The following ANHX variants were observed in gnomAD, a reference collection of about 807,000 sequenced individuals.
The protein encoded by ANHX is anomalous homeobox protein.
In ANHX, 20 loss-of-function variants were observed where a neutral mutation model predicts 38.9. The ratio of observed to expected loss-of-function variants is 0.51; its 90% CI spans 0.36 to 0.75. The LOEUF is 0.75. Ranked by LOEUF, ANHX falls within the 30% of genes least tolerant of loss-of-function variation. The pLI, the probability that ANHX is intolerant of heterozygous loss-of-function variation, is 0.00. For missense variants in ANHX, 475 were observed against 493.1 expected, an observed-to-expected ratio of 0.96 and a Z score of 0.35; for synonymous variants, 185 against 203.1, an observed-to-expected ratio of 0.91 and a Z score of 0.76.
In ANHX at chr12:133,218,396, C is replaced by T. The variant is rs1176367208; in HGVS notation, c.*489G>A. 1 of 152,958 alleles carries T rather than the reference C, an allele frequency of 6.5e-6. No individual in the cohort carries two copies. The highest frequency in any genetic ancestry group is 2.4e-5 in the African/African-American group (1 of 41,482). 9.5% of individuals were successfully genotyped at this position (152,958 alleles called of 1,614,324 possible). On this transcript the variant is annotated 3_prime_UTR_variant, in exon 10 of 10. Transcript: ENST00000545940. ...TTACAACCTGGAGGGAAAATCCACC[C>T]TACTCTGCCCTGCCTAGGCCATTCG...
Position 133,227,874 on chromosome 12 carries a change from G to C in ANHX, c.451C>G (p.Leu151Val). 6.6e-7 allele frequency: 1 copy of C among 1,522,680 alleles called. No individual in the cohort carries two copies. Among genetic ancestry groups the C allele is most frequent in the Non-Finnish European group, 8.8e-7 (1 of 1,139,068 alleles). 94.3% of individuals were successfully genotyped at this position (1,522,680 alleles called of 1,614,324 possible). The change falls in exon 4 of 10, where the codon CTG (leucine) becomes GTG (valine). Residue 151 changes from leucine to valine, a missense_variant. Leu to Val is a conservative substitution (Grantham distance 32). Coordinates refer to ENST00000545940, the MANE Select transcript of ANHX (RefSeq NM_001372060.1). ...RNFPREVREK[L>V]HNFAVGVNTN... ...TTCACCCCCACAGCGAAATTGTGCA[G>C]CTTCTCACGAACCTCTCTGGGGAAG... is the stretch of plus-strand genomic sequence containing the variant.
chr12:133,220,058 T>C (rs554942360), intron 8 of ANHX, among the ~76,000 whole-genome samples: 1 of 152,058 alleles, frequency 6.6e-6, no homozygotes, highest in South Asian at 2.1e-4. Flanking sequence ...TAATCCTTAG[T>C]GACAGAAGCA....
At chr12:133,219,011 C>A in intron 9 of ANHX, 40 bp from the exon 10 acceptor site, 1 of 1,501,202 alleles carries the variant, frequency 6.7e-7, no homozygotes, top group Non-Finnish European at 8.9e-7. Context: ...GGCTTCCTTT[C>A]CAGGCTCAAG....
At chr12:133,218,994 A>C in intron 9 of ANHX, 23 bp from the exon 10 acceptor site, 1 of 1,517,282 alleles carries the variant, frequency 6.6e-7, no homozygotes, top group South Asian at 1.2e-5. Flanking sequence ...ACAGTGGTAA[A>C]CACAGAGGCT....
Position 133,221,518 on chromosome 12 carries a change from A to G in ANHX, c.1133-166T>C, listed in dbSNP as rs1271794242. On this transcript the variant is annotated intron_variant, in intron 7 of 9. Transcript: ENST00000545940. This position sits in a 1 kb window ranked among gnomAD's most constrained non-coding sequence, Gnocchi z 4.1. Reference sequence around the variant, plus strand: ...CCCTGGGCCTCAGTCTCCCTCTCTGAGGAAGGAACTGTCACAACCATTGAT... The same window carrying G: ...CCCTGGGCCTCAGTCTCCCTCTCTGGGGAAGGAACTGTCACAACCATTGAT... 6.6e-6 allele frequency among the ~76,000 whole-genome samples: 1 copy of G among 152,152 alleles called. No homozygotes were observed. The highest frequency in any genetic ancestry group is 6.5e-5 in the Admixed American group (1 of 15,280).
At chr12:133,232,373 T>C (rs528505146) in intron 2 of ANHX, among the ~76,000 whole-genome samples, 1 of 152,346 alleles carries the variant, frequency 6.6e-6, no homozygotes, top group East Asian at 1.9e-4. Flanking sequence ...TTAACTACGA[T>C]GCTGCCTGGA....
chr12:133,234,117 G>C lies in ANHX; in HGVS notation c.240C>G (p.Arg80=), dbSNP rs141475940. 0.21 allele frequency: 315,573 copies of C among 1,535,388 alleles called. 34,064 individuals carry two copies. The highest frequency in any genetic ancestry group is 0.26 in the Middle Eastern group (1,440 of 5,646). ...DQQEQQQAAC[R]LLEGCQVPGG... is the part of the protein sequence containing the mutation. ...TGTAGCCCAGGCCTACCTCCAGGAG[G>C]CGGCAAGCCGCCTGCTGCTGCTCCT... Residue 80 remains arginine, a synonymous_variant, in exon 2 of 10, where the codon CGC becomes CGG. Transcript: ENST00000545940.
chr12:133,235,730 G>GC (rs1455298746), intron 1 of ANHX, 77 bp downstream of exon 1: 1 of 58,754 alleles, frequency 1.7e-5, no homozygotes, highest in Non-Finnish European at 3.2e-5. Flanking sequence ...CCGCCCCCGC[G>GC]CCCCTCACAT....
rs149488721 is a variant in ANHX, at chr12:133,226,514, C to T, written c.719-76G>A. 3.7e-3 allele frequency: 5,381 copies of T among 1,454,042 alleles called. 15 individuals are homozygous for T. The highest frequency in any genetic ancestry group is 0.016 in the African/African-American group (1,133 of 70,510). The allele number at this position is 1,454,042 out of a possible 1,614,324, so 90.1% of individuals were successfully genotyped here. On this transcript the variant is annotated intron_variant, in intron 5 of 9. Transcript: ENST00000545940. ...CCTCCTTCCCATCAGGTATGAGCAG[C>T]CCTGCTGGCTGGAAAAGGCTGTTGC...
intron 6 of ANHX, 88 bp downstream of exon 6, chr12:133,226,230 T>G (rs529851742): frequency 6.5e-7 from 1 of 1,530,306 alleles, no homozygotes; most frequent in Non-Finnish European, 8.8e-7. Flanking sequence ...CTGTCACCCT[T>G]AGGCCTACTT....
intron 7 of ANHX, among the ~76,000 whole-genome samples, chr12:133,223,189 C>CAAA (rs762366877): frequency 0.011 from 1,704 of 148,432 alleles, 36 homozygotes; most frequent in African/African-American, 0.041. Context: ...AACTCCGCCT[C>CAAA]AAAAAAAAAT....
chr12:133,227,005 G>T lies in ANHX; in HGVS notation c.649C>A (p.Pro217Thr). The T allele has an allele frequency of 6.5e-7, 1 of 1,535,572 alleles. No individual in the cohort carries two copies. ...AEDPGARERG[P>T]DLLQPSGNPR... ...TTGCCTGAGGGCTGCAGGAGGTCAG[G>T]ACCCCTCTCCCTCGCACCAGGGTCT... Residue 217 changes from proline (P) to threonine (T), a missense_variant, in exon 5 of 10, where the codon CCT (proline) becomes ACT (threonine). Transcript: ENST00000545940.
chr12:133,232,445 C>T (rs1301338500), intron 2 of ANHX, among the ~76,000 whole-genome samples: 2 of 152,140 alleles, frequency 1.3e-5, no homozygotes, highest in Non-Finnish European at 2.9e-5. Flanking sequence ...TCAGAGAGGC[C>T]CAGTCTTGCT....
chr12:133,221,102 C>A lies in ANHX; in HGVS notation c.1280+103G>T. On this transcript the variant is annotated intron_variant, in intron 8 of 9. Transcript: ENST00000545940. This position sits in a 1 kb window ranked among gnomAD's most constrained non-coding sequence, Gnocchi z 4.1. ...GTTTTCAGCAATCCAAAGGAGAGGA[C>A]CCTATCTGCACAGTCCGGGACGGTG... 16 of 1,378,878 alleles carry A rather than the reference C, an allele frequency of 1.2e-5. No homozygotes were observed. The highest frequency in any genetic ancestry group is 1.4e-5 in the Non-Finnish European group (15 of 1,042,446). 85.4% of individuals were successfully genotyped at this position (1,378,878 alleles called of 1,614,324 possible). A position where few individuals can be genotyped will look rare whatever the true frequency, so the allele number is the denominator to read the frequency against.
chr12:133,231,457 G>C (rs913288596), intron 3 of ANHX, 60 bp downstream of exon 3: 11 of 1,530,474 alleles, frequency 7.2e-6, no homozygotes, highest in Non-Finnish European at 9.6e-6. Context: ...GGCTTTGCAT[G>C]GTACATCTAA....
At chr12:133,229,131 T>C (rs1280101195) in intron 3 of ANHX, among the ~76,000 whole-genome samples, 1 of 152,120 alleles carries the variant, frequency 6.6e-6, no homozygotes, top group Non-Finnish European at 1.5e-5. Flanking sequence ...GTCTGTCCCC[T>C]GAACACAGAG....
chr12:133,227,938 C>T lies in ANHX; in HGVS notation c.387G>A (p.Pro129=), dbSNP rs1429236755. ...QKFRCRKRNP[P]PPSLCPEGLK... is the part of the protein sequence containing the mutation. ...GCCCCTCTGGGCAGAGGGAGGGGGGCGGGGGGTTCCTGGGTAAGGACAGTG... is the reference window on the plus strand; with the variant it reads ...GCCCCTCTGGGCAGAGGGAGGGGGGTGGGGGGTTCCTGGGTAAGGACAGTG... Residue 129 remains proline, a synonymous_variant, in exon 4 of 10, where the codon CCG becomes CCA. Transcript: ENST00000545940. The T allele has an allele frequency of 1.6e-5, 23 of 1,470,094 alleles. No homozygotes were observed. Among genetic ancestry groups the T allele is most frequent in the Non-Finnish European group, 1.9e-5 (21 of 1,117,664 alleles). 91.1% of individuals were successfully genotyped at this position (1,470,094 alleles called of 1,614,324 possible).
At chr12:133,223,284 G>A (rs936933508) in intron 7 of ANHX, among the ~76,000 whole-genome samples, 3 of 151,698 alleles carry the variant, frequency 2.0e-5, no homozygotes, top group Non-Finnish European at 4.4e-5. Context: ...AAAAATACAA[G>A]ATAAAAGGTA....
At chr12:133,230,805 G>A (rs933681413) in intron 3 of ANHX, among the ~76,000 whole-genome samples, 9 of 152,078 alleles carry the variant, frequency 5.9e-5, no homozygotes, top group Non-Finnish European at 1.0e-4. Context: ...CTGGGCTAGC[G>A]TCCTGGCTTT....
Sources: gnomAD v4.1 joint callset for allele counts (sites outside exome capture counted in the v4.1 genomes callset) on GRCh38, gnomAD v4.1.1 for gene constraint, Gnocchi (gnomAD v3.1) non-coding constraint, MANE v1.5 for transcripts, NCBI Gene and HGNC (gene_info 2026-07-23, HGNC 2026-07-21) for gene names.